UBE2E2: variants seen among roughly 807,000 people sequenced by gnomAD.
UBE2E2 encodes the protein ubiquitin-conjugating enzyme E2 E2.
A neutral mutation model predicts 24.7 loss-of-function variants in UBE2E2; 6 were observed. That is an observed-to-expected ratio of 0.24 (90% confidence interval 0.13 to 0.48). UBE2E2 has a LOEUF of 0.48. Ranked by LOEUF, UBE2E2 falls within the 20% of genes least tolerant of loss-of-function variation. The pLI is 0.99. For synonymous variants in UBE2E2, 104 were observed against 83.6 expected (o/e 1.24, Z -1.33); for missense variants, 169 against 245.0 (o/e 0.69, Z 2.07).
intron 3 of UBE2E2, among the ~76,000 whole-genome samples, chr3:23,338,672 A>G (rs1695283699): frequency 6.6e-6 from 1 of 152,164 alleles, no homozygotes; most frequent in Admixed American, 6.5e-5. Context: ...GAGCATGTCA[A>G]AAGAATGTAT....
At chr3:23,417,900 C>T (rs1434668899) in intron 3 of UBE2E2, among the ~76,000 whole-genome samples, 1 of 152,080 alleles carries the variant, frequency 6.6e-6, no homozygotes, top group Non-Finnish European at 1.5e-5. Flanking sequence ...TGGCGGGTGT[C>T]CCTCCCGTGC....
intron 5 of UBE2E2, among the ~76,000 whole-genome samples, chr3:23,540,388 T>TTTTGTTTG (rs112747673): frequency 0.012 from 1,816 of 148,332 alleles, 30 homozygotes; most frequent in African/African-American, 0.033. Context: ...TTTGATGCCC[T>TTTTGTTTG]TTTGTTTGTT....
intron 3 of UBE2E2, among the ~76,000 whole-genome samples, chr3:23,305,948 A>G (rs941919666): frequency 2.0e-4 from 30 of 152,146 alleles, no homozygotes; most frequent in African/African-American, 6.8e-4. Flanking sequence ...TAAGACTATT[A>G]TTATGAAACT....
At chr3:23,342,327 G>A (rs1049292491) in intron 3 of UBE2E2, among the ~76,000 whole-genome samples, 27 of 151,966 alleles carry the variant, frequency 1.8e-4, no homozygotes, top group African/African-American at 6.3e-4. Flanking sequence ...TGGGACTCTA[G>A]GCACACAGTA....
At chr3:23,255,337 G>A (rs1448377147) in intron 3 of UBE2E2, among the ~76,000 whole-genome samples, 1 of 151,264 alleles carries the variant, frequency 6.6e-6, no homozygotes. Context: ...CAAGCGATCC[G>A]TGTTCCTCAG....
At chr3:23,284,993 G>A (rs903768726) in intron 3 of UBE2E2, among the ~76,000 whole-genome samples, 1 of 145,520 alleles carries the variant, frequency 6.9e-6, no homozygotes, top group African/African-American at 2.5e-5. Flanking sequence ...ATATTTACCT[G>A]TTAACCATCT....
chr3:23,406,356 A>G (rs1480496728), intron 3 of UBE2E2, among the ~76,000 whole-genome samples: 1 of 152,164 alleles, frequency 6.6e-6, no homozygotes, highest in Non-Finnish European at 1.5e-5. Flanking sequence ...TTCACATACT[A>G]CTTGTATGAC....
intron 3 of UBE2E2, among the ~76,000 whole-genome samples, chr3:23,324,101 A>C (rs950116943): frequency 6.6e-6 from 1 of 152,200 alleles, no homozygotes; most frequent in East Asian, 1.9e-4. Context: ...TTCTTTGACT[A>C]CTTACTATAT....
intron 3 of UBE2E2, among the ~76,000 whole-genome samples, chr3:23,478,843 C>T (rs1476532490): frequency 6.6e-6 from 1 of 151,540 alleles, no homozygotes; most frequent in African/African-American, 2.4e-5. Context: ...GAGATCAGAA[C>T]CAGCCTGGGC....
intron 5 of UBE2E2, among the ~76,000 whole-genome samples, chr3:23,587,157 T>C (rs983951641): frequency 6.6e-6 from 1 of 152,242 alleles, no homozygotes; most frequent in African/African-American, 2.4e-5. Context: ...TGAAAGCAAT[T>C]AAATGTTAAG....
Position 23,572,985 on chromosome 3 carries a change from A to G in UBE2E2, c.509-16749A>G, listed in dbSNP as rs555047997. ...ATGAGAGTCCTATACCCTGGGGTGAAATGCTTTAATTGCTCCAAGTATTAA... is the reference window on the plus strand; with the variant it reads ...ATGAGAGTCCTATACCCTGGGGTGAGATGCTTTAATTGCTCCAAGTATTAA... On this transcript the variant is annotated intron_variant, in intron 5 of 5. Coordinates refer to ENST00000396703, the MANE Select transcript of UBE2E2 (RefSeq NM_152653.4). Among the ~76,000 whole-genome samples the G allele has an allele frequency of 8.5e-5, 13 of 152,264 alleles. No individual in the cohort carries two copies. In the South Asian group the frequency reaches 2.3e-3, roughly 27 times the overall value.
chr3:23,246,589 G>C (rs922301698), intron 3 of UBE2E2, among the ~76,000 whole-genome samples: 1 of 151,632 alleles, frequency 6.6e-6, no homozygotes, highest in Non-Finnish European at 1.5e-5. Flanking sequence ...TTTCCATGTC[G>C]ACCAAACTGT....
intron 3 of UBE2E2, among the ~76,000 whole-genome samples, chr3:23,378,838 T>G (rs1482857886): frequency 6.6e-6 from 1 of 152,192 alleles, no homozygotes; most frequent in Non-Finnish European, 1.5e-5. Context: ...AGTTGATATT[T>G]TAACTTAAAA....
chr3:23,576,438 A>T (rs948493494), intron 5 of UBE2E2, among the ~76,000 whole-genome samples: 2 of 152,184 alleles, frequency 1.3e-5, no homozygotes, highest in African/African-American at 4.8e-5. Context: ...CATAATTTTT[A>T]AATTATGTTT....
intron 3 of UBE2E2, among the ~76,000 whole-genome samples, chr3:23,259,727 G>A (rs927471227): frequency 1.3e-5 from 2 of 152,142 alleles, no homozygotes; most frequent in Non-Finnish European, 2.9e-5. Context: ...TCAGCGTATT[G>A]GAAGAGGTTG....
intron 3 of UBE2E2, among the ~76,000 whole-genome samples, chr3:23,422,834 G>A (rs1186963734): frequency 6.6e-6 from 1 of 151,972 alleles, no homozygotes; most frequent in Non-Finnish European, 1.5e-5. Context: ...TGTCAAAAGT[G>A]TCTAGGGAAG....
chr3:23,363,585 A>G (rs1471216952), intron 3 of UBE2E2, among the ~76,000 whole-genome samples: 2 of 152,242 alleles, frequency 1.3e-5, no homozygotes, highest in Non-Finnish European at 2.9e-5. Flanking sequence ...GCCAAATTCA[A>G]CAAGAAGACT....
At chr3:23,278,825 A>G (rs1329075578) in intron 3 of UBE2E2, among the ~76,000 whole-genome samples, 1 of 152,188 alleles carries the variant, frequency 6.6e-6, no homozygotes, top group Non-Finnish European at 1.5e-5. Flanking sequence ...GCATAAGCAC[A>G]TTATGAAAAC....
intron 3 of UBE2E2, among the ~76,000 whole-genome samples, chr3:23,343,203 A>T (rs1695449143): frequency 6.6e-6 from 1 of 152,158 alleles, no homozygotes; most frequent in Admixed American, 6.5e-5. Flanking sequence ...ACATTGTGAC[A>T]TGGAAAGGTA....
Sources: gnomAD v4.1 joint callset for allele counts (sites outside exome capture counted in the v4.1 genomes callset) on GRCh38, gnomAD v4.1.1 for gene constraint, MANE v1.5 for transcripts, NCBI Gene and HGNC (gene_info 2026-07-23, HGNC 2026-07-21) for gene names.